Variants in LTBP1 observed in about 807,000 individuals in gnomAD.
The protein encoded by LTBP1 is latent-transforming growth factor beta-binding protein 1.
LTBP1 carries 129 observed loss-of-function variants against 207.6 expected under a neutral mutation model. The observed-to-expected ratio is 0.62, with a 90% CI of 0.54 to 0.72. The LOEUF (loss-of-function observed/expected upper bound fraction) is 0.72. Ranked by LOEUF, LTBP1 falls within the 30% of genes least tolerant of loss-of-function variation. The pLI, the probability that LTBP1 is intolerant of heterozygous loss-of-function variation, is 0.00. For missense variants in LTBP1, 2,281 were observed against 2,217.2 expected (o/e 1.03, Z -0.58); for synonymous variants, 963 against 833.7 (o/e 1.16, Z -2.67).
rs1441358067 is a variant in LTBP1 at position 33,186,996 on chromosome 2, C to A, written c.1342C>A (p.Gln448Lys). The A allele has an allele frequency of 6.2e-7, 1 of 1,614,212 alleles. No individual in the cohort carries two copies. The change falls in exon 6 of 34, where the codon CAG becomes AAG. Residue 448 changes from glutamine to lysine, a missense_variant. Physicochemically the swap from Gln to Lys is moderately conservative, Grantham distance 53 (BLOSUM62 1). Transcript: ENST00000404816. ...SVPKLYQHSQ[Q>K]PGKALGTHVI... ...GCCTAAACTTTATCAGCATTCCCAG[C>A]AGCCAGGCAAGGCGTTGGGGACGCA...
At chr2:33,308,490 T>G (rs2094132942) in intron 22 of LTBP1, among the ~76,000 whole-genome samples, 1 of 152,194 alleles carries the variant, frequency 6.6e-6, no homozygotes. Context: ...CCCCATATTC[T>G]ACCCTACTGT....
At chr2:33,163,340 C>T (rs895791274) in intron 5 of LTBP1, among the ~76,000 whole-genome samples, 2 of 152,066 alleles carry the variant, frequency 1.3e-5, no homozygotes, top group Admixed American at 6.5e-5. Context: ...GAAATGATGG[C>T]AAGAGTACAA....
At chr2:33,365,697 C>T (rs936706549) in intron 31 of LTBP1, among the ~76,000 whole-genome samples, 194 bp downstream of exon 31, 2 of 151,552 alleles carry the variant, frequency 1.3e-5, no homozygotes, top group African/African-American at 4.9e-5. Context: ...CCTCTACTCC[C>T]GACCCTGTCG....
chr2:33,070,094 G>A (rs1451073985), intron 3 of LTBP1, among the ~76,000 whole-genome samples: 1 of 152,148 alleles, frequency 6.6e-6, no homozygotes, highest in African/African-American at 2.4e-5. Context: ...TCTCTCTGCC[G>A]GAAACTCTCA....
chr2:33,145,223 G>A (rs1316053878), intron 5 of LTBP1, among the ~76,000 whole-genome samples: 2 of 152,072 alleles, frequency 1.3e-5, no homozygotes, highest in East Asian at 3.8e-4. Flanking sequence ...CTGAAAGACT[G>A]GCATGACTGA....
rs2078468929 is a variant in LTBP1 at position 33,082,431 on chromosome 2, A to AATTTTTTTTTTTTTTTTTTTTTT, written c.864-28151_864-28150insATTTTTTTTTTTTTTTTTTTTTT. On this transcript the variant is annotated intron_variant, in intron 3 of 33. Transcript: ENST00000404816. Reference sequence around the variant, plus strand: ...GTTAACCGTGGCTAAAGTATGACTCACTTTTTTTTTTTTTTTTTTTTTTTT... The same window carrying AATTTTTTTTTTTTTTTTTTTTTT: ...GTTAACCGTGGCTAAAGTATGACTCAATTTTTTTTTTTTTTTTTTTTTTCTTTTTTTTTTTTTTTTTTTTTTTT... Among the ~76,000 whole-genome samples the AATTTTTTTTTTTTTTTTTTTTTT allele has an allele frequency of 3.4e-5, 4 of 116,044 alleles. 2 individuals carry two copies. Among genetic ancestry groups the AATTTTTTTTTTTTTTTTTTTTTT allele is most frequent in the Admixed American group, 2.0e-4 (2 of 10,198 alleles). 76.1% of individuals were successfully genotyped at this position (116,044 alleles called of 152,430 possible).
chr2:33,116,844 A>T (rs1295441122), intron 4 of LTBP1, among the ~76,000 whole-genome samples: 1 of 152,132 alleles, frequency 6.6e-6, no homozygotes, highest in Non-Finnish European at 1.5e-5. Flanking sequence ...AAAGTGTTAA[A>T]CCTAACCTTT....
intron 4 of LTBP1, among the ~76,000 whole-genome samples, chr2:33,131,887 G>A (rs534203360): frequency 6.6e-6 from 1 of 152,244 alleles, no homozygotes; most frequent in Non-Finnish European, 1.5e-5. Flanking sequence ...ATAACAATAG[G>A]CCCGGAGAAT....
chr2:33,117,726 C>G (rs1450474285), intron 4 of LTBP1, among the ~76,000 whole-genome samples: 2 of 152,120 alleles, frequency 1.3e-5, no homozygotes, highest in Admixed American at 6.6e-5. Flanking sequence ...GTTGAGAGCA[C>G]CCATTATGGG....
intron 2 of LTBP1, among the ~76,000 whole-genome samples, chr2:32,997,853 A>G (rs1685522258): frequency 6.6e-6 from 1 of 152,200 alleles, no homozygotes; most frequent in Non-Finnish European, 1.5e-5. Flanking sequence ...CAGAGACCAT[A>G]TTCCAGGAAC....
chr2:33,347,552 C>T (rs2094720860), intron 26 of LTBP1, 42 bp downstream of exon 26: 2 of 1,610,936 alleles, frequency 1.2e-6, no homozygotes, highest in East Asian at 2.2e-5. Context: ...ACAGGCTCCT[C>T]TCAAAGACCT....
At chr2:33,351,544 G>C (rs1444194404) in intron 26 of LTBP1, among the ~76,000 whole-genome samples, 1 of 152,124 alleles carries the variant, frequency 6.6e-6, no homozygotes, top group Non-Finnish European at 1.5e-5. Flanking sequence ...TCACCATGTT[G>C]ACCTCTGGAC....
At chr2:33,073,047 G>T (rs2077881872) in intron 3 of LTBP1, among the ~76,000 whole-genome samples, 1 of 152,148 alleles carries the variant, frequency 6.6e-6, no homozygotes, top group Non-Finnish European at 1.5e-5. Context: ...CACTGAACAT[G>T]GTGTTTCGGT....
intron 5 of LTBP1, among the ~76,000 whole-genome samples, chr2:33,170,004 A>G (rs1293947922): frequency 6.6e-6 from 1 of 152,240 alleles, no homozygotes; most frequent in African/African-American, 2.4e-5. Flanking sequence ...ATATTTAGAA[A>G]TAAAATCCAG....
At chr2:33,030,441 A>T (rs1179646931) in intron 3 of LTBP1, among the ~76,000 whole-genome samples, 1 of 152,096 alleles carries the variant, frequency 6.6e-6, no homozygotes, top group Non-Finnish European at 1.5e-5. Flanking sequence ...TGGCTTAATG[A>T]AGCTATTTTG....
rs2149153870 is a variant in LTBP1, at chr2:33,309,469, C to T, written c.3517C>T (p.Gln1173Ter). 6.2e-7 allele frequency: 1 copy of T among 1,607,186 alleles called. No individual in the cohort carries two copies. Among genetic ancestry groups the T allele is most frequent in the Non-Finnish European group, 8.5e-7 (1 of 1,177,518 alleles). ...NECLEDKSVC[Q>*]RGDCINTAGS... is the part of the protein sequence containing the mutation. ...ATGCTTGGAGGACAAGAGTGTTTGCCAGAGAGGAGACTGCATTAATACTGC... is the reference window on the plus strand; with the variant it reads ...ATGCTTGGAGGACAAGAGTGTTTGCTAGAGAGGAGACTGCATTAATACTGC... The change falls in exon 23 of 34, where the codon CAG becomes TAG. Residue 1173 changes from glutamine to a stop codon, truncating the protein, a stop_gained. Coordinates refer to ENST00000404816, the MANE Select transcript of LTBP1 (RefSeq NM_206943.4). LOFTEE classifies it high-confidence loss of function.
intron 31 of LTBP1, among the ~76,000 whole-genome samples, chr2:33,387,971 C>A (rs2095282519): frequency 6.6e-6 from 1 of 152,226 alleles, no homozygotes; most frequent in South Asian, 2.1e-4. Context: ...CCTAACAGAG[C>A]TGTTGACATC....
intron 9 of LTBP1, among the ~76,000 whole-genome samples, chr2:33,224,472 G>A (rs2091318133): frequency 6.6e-6 from 1 of 152,152 alleles, no homozygotes; most frequent in South Asian, 2.1e-4. Context: ...GATATTTGAA[G>A]ACAGAAGGCT....
intron 3 of LTBP1, among the ~76,000 whole-genome samples, chr2:33,021,614 A>G (rs961073911): frequency 6.6e-6 from 1 of 152,232 alleles, no homozygotes; most frequent in Admixed American, 6.5e-5. Flanking sequence ...TGGAAAAGGT[A>G]AGAACTCAGC....
Sources: gnomAD v4.1 joint callset for allele counts (sites outside exome capture counted in the v4.1 genomes callset) on GRCh38, gnomAD v4.1.1 for gene constraint, MANE v1.5 for transcripts, NCBI Gene and HGNC (gene_info 2026-07-23, HGNC 2026-07-21) for gene names.